DHCR24: variants seen among roughly 807,000 people sequenced by gnomAD.
DHCR24 encodes the protein 24-dehydrocholesterol reductase, also known as delta(24)-sterol reductase.
A neutral mutation model predicts 61.2 loss-of-function variants in DHCR24; 28 were observed. The ratio of observed to expected loss-of-function variants is 0.46; its 90% confidence interval spans 0.34 to 0.63. DHCR24 has a LOEUF of 0.63. DHCR24 is among the 20% of genes least tolerant of loss of function. The pLI is 0.01. For missense variants in DHCR24, 538 were observed against 679.1 expected (o/e 0.79, Z 2.31); for synonymous variants, 261 against 275.9 (o/e 0.95, Z 0.54).
rs570712299 is a variant in DHCR24 at position 54,883,406 on chromosome 1, C to T, written c.387+212G>A. Among the ~76,000 whole-genome samples the T allele has an allele frequency of 3.9e-5, 6 of 152,250 alleles. No homozygotes were observed. Among genetic ancestry groups the T allele is most frequent in the Admixed American group, 1.3e-4 (2 of 15,296 alleles). On this transcript the variant is annotated intron_variant, in intron 2 of 8. Transcript: ENST00000371269. This position sits in a 1 kb window ranked among gnomAD's most constrained non-coding sequence, Gnocchi z 4.3. Reference sequence around the variant, plus strand: ...CCCCATTCCTGACTTCCTGTGGAAACGCAAAGGGTTCCCCTGACCTATTAT... The same window carrying T: ...CCCCATTCCTGACTTCCTGTGGAAATGCAAAGGGTTCCCCTGACCTATTAT...
At chr1:54,858,461 T>A (rs748890947) in intron 6 of DHCR24, among the ~76,000 whole-genome samples, 71 of 152,292 alleles carry the variant, frequency 4.7e-4, no homozygotes, top group Admixed American at 1.1e-3. Flanking sequence ...CAATGACAGA[T>A]CCCTAGAGGT....
chr1:54,875,039 G>T lies in DHCR24; in HGVS notation c.612+54C>A, dbSNP rs1016565036. On this transcript the variant is annotated intron_variant, in intron 4 of 8. Coordinates refer to ENST00000371269, the MANE Select transcript of DHCR24 (RefSeq NM_014762.4). The stretch of plus-strand genomic sequence containing the variant: ...AGAGGAGCCACCTCCCTGACCTCAG[G>T]ATCCTTAATGCCCAGAGCAGGCTGG... 20 of 1,497,564 alleles carry T rather than the reference G, an allele frequency of 1.3e-5. No homozygotes were observed. The Middle Eastern group carries it at 5.1e-4, about 38-fold the overall frequency. 92.8% of individuals were successfully genotyped at this position (1,497,564 alleles called of 1,614,324 possible).
intron 1 of DHCR24, 60 bp downstream of exon 1, chr1:54,886,829 C>T (rs1289675573): frequency 1.3e-6 from 2 of 1,585,236 alleles, no homozygotes; most frequent in African/African-American, 1.3e-5. Flanking sequence ...CCTCGCGTCC[C>T]GCTATCCCCG....
rs1646895092 is a variant in DHCR24 at position 54,854,303 on chromosome 1, G to T, written c.1021-69C>A. On this transcript the variant is annotated intron_variant, in intron 6 of 8. Coordinates refer to ENST00000371269, the MANE Select transcript of DHCR24 (RefSeq NM_014762.4). ...GGTTGAATGTCTCCAAGTGCAAGGG[G>T]CCAGGGGCCAGGTCCCATTCTGTGC... 5 of 1,371,130 alleles carry T rather than the reference G, an allele frequency of 3.6e-6. No individual in the cohort carries two copies. In the South Asian group the frequency reaches 6.5e-5, roughly 18 times the overall value. The allele number at this position is 1,371,130 out of a possible 1,614,324, so 84.9% of individuals were successfully genotyped here.
intron 6 of DHCR24, among the ~76,000 whole-genome samples, chr1:54,856,698 TCCAGATTATTC>T (rs1029307324): frequency 1.3e-5 from 2 of 152,250 alleles, no homozygotes; most frequent in African/African-American, 4.8e-5. Context: ...TTAGATTATT[TCCAGATTATTC>T]CAACTAATAT....
intron 7 of DHCR24, 147 bp from the exon 8 acceptor site, chr1:54,853,759 C>G (rs559513875): frequency 8.0e-6 from 8 of 999,834 alleles, no homozygotes; most frequent in African/African-American, 4.8e-5. Flanking sequence ...CCCCGCCCCC[C>G]AGCCCTGGCT....
intron 5 of DHCR24, among the ~76,000 whole-genome samples, chr1:54,866,316 A>G (rs961005838): frequency 1.2e-4 from 18 of 151,872 alleles, no homozygotes; most frequent in African/African-American, 4.4e-4. Context: ...TAGAAATTAC[A>G]TACATATGCC....
intron 6 of DHCR24, among the ~76,000 whole-genome samples, chr1:54,863,981 C>A (rs1458772608): frequency 6.6e-6 from 1 of 152,150 alleles, no homozygotes; most frequent in Non-Finnish European, 1.5e-5. Context: ...AAGGAAAATG[C>A]AAGTCAATAC....
At chr1:54,853,918 A>T in intron 7 of DHCR24, 119 bp downstream of exon 7, 1 of 1,047,074 alleles carries the variant, frequency 9.6e-7, no homozygotes, top group Non-Finnish European at 1.4e-6. Flanking sequence ...ACCTCATCTT[A>T]AAGTTGGGAA....
Position 54,852,255 on chromosome 1 carries a change from A to AT in DHCR24, c.1528dup (p.Ile510AsnfsTer78). The AT allele has an allele frequency of 6.2e-7, 1 of 1,614,148 alleles. No individual in the cohort carries two copies. Among genetic ancestry groups the AT allele is most frequent in the Non-Finnish European group, 8.5e-7 (1 of 1,180,016 alleles). ...AGCTCAGTGCCTGGCGGCCTTGCAG[A>AT]TCTTGTCGTACACCTCGGGGAAGGC... On this transcript the variant is annotated frameshift_variant, in exon 9 of 9. Coordinates refer to ENST00000371269, the MANE Select transcript of DHCR24 (RefSeq NM_014762.4). LOFTEE classifies it high-confidence loss of function.
chr1:54,855,443 G>GGTTCTATGCTGGGTGCTGGGGAACCAA (rs1646901850), intron 6 of DHCR24, among the ~76,000 whole-genome samples: 1 of 151,772 alleles, frequency 6.6e-6, no homozygotes, highest in Non-Finnish European at 1.5e-5. Context: ...TCAGGAACCA[G>GGTTCTATGCTGGGTGCTGGGGAACCAA]GTTCTATGCT....
intron 5 of DHCR24, among the ~76,000 whole-genome samples, chr1:54,868,862 T>C (rs1038404285): frequency 7.2e-5 from 11 of 152,036 alleles, no homozygotes; most frequent in Non-Finnish European, 1.3e-4. Flanking sequence ...AGCTCAGAAG[T>C]TCAAGACCAA....
intron 5 of DHCR24, among the ~76,000 whole-genome samples, chr1:54,868,751 C>T (rs568680893): frequency 6.6e-6 from 1 of 151,680 alleles, no homozygotes; most frequent in East Asian, 2.0e-4. Flanking sequence ...AATGTAACAA[C>T]AGGGGGAAAT....
rs1646880437 is a variant in DHCR24 at position 54,852,323 on chromosome 1, G to T, written c.1461C>A (p.Gly487=). The T allele has an allele frequency of 6.2e-7, 1 of 1,614,210 alleles. No individual in the cohort carries two copies. Among genetic ancestry groups the T allele is most frequent in the East Asian group, 2.2e-5 (1 of 44,878 alleles). The change falls in exon 9 of 9, where the codon GGC becomes GGA. Residue 487 remains glycine (G), a synonymous_variant. Coordinates refer to ENST00000371269, the MANE Select transcript of DHCR24 (RefSeq NM_014762.4). Reference sequence around the variant, plus strand: ...TCTCTCGCAGCTTGTGGTACAAGGAGCCATCAAACATCTCCCAGAACTCCT... The same window carrying T: ...TCTCTCGCAGCTTGTGGTACAAGGATCCATCAAACATCTCCCAGAACTCCT... ...NREEFWEMFD[G]SLYHKLREKL... is the part of the protein sequence containing the mutation.
chr1:54,855,478 G>T (rs1203441205), intron 6 of DHCR24, among the ~76,000 whole-genome samples: 2 of 152,016 alleles, frequency 1.3e-5, no homozygotes, highest in Non-Finnish European at 2.9e-5. Flanking sequence ...CAAGATAACT[G>T]AGACATGGTC....
intron 6 of DHCR24, among the ~76,000 whole-genome samples, chr1:54,858,853 C>A (rs1298120595): frequency 1.3e-5 from 2 of 152,124 alleles, no homozygotes; most frequent in Non-Finnish European, 2.9e-5. Flanking sequence ...TCAGGCTGGT[C>A]TCAAACTCCT....
chr1:54,860,969 C>G (rs1325200352), intron 6 of DHCR24, among the ~76,000 whole-genome samples: 2 of 146,630 alleles, frequency 1.4e-5, no homozygotes, highest in Non-Finnish European at 3.0e-5. Flanking sequence ...GCCTGGGCGA[C>G]AGAGCGAGAC....
rs183395295 is a variant in DHCR24, at chr1:54,876,738, T to C, written c.388-691A>G. 1.3e-5 allele frequency among the ~76,000 whole-genome samples: 2 copies of C among 151,986 alleles called. 1 individual carries two copies. Among genetic ancestry groups the C allele is most frequent in the East Asian group, 4.0e-4 (2 of 5,018 alleles). On this transcript the variant is annotated intron_variant, in intron 2 of 8. Transcript: ENST00000371269. The stretch of plus-strand genomic sequence containing the variant: ...ACAGTGTATTTACTTTGGTTTTTTT[T>C]TCCCCACACATACTGTATTGGTACT...
At chr1:54,875,882 C>T (rs1432697107) in intron 3 of DHCR24, 60 bp downstream of exon 3, 3 of 1,412,154 alleles carry the variant, frequency 2.1e-6, no homozygotes, top group Non-Finnish European at 2.0e-6. Context: ...TGGCCAAGGC[C>T]CATCAGCTCC....
Sources: gnomAD v4.1 joint callset for allele counts (sites outside exome capture counted in the v4.1 genomes callset) on GRCh38, gnomAD v4.1.1 for gene constraint, Gnocchi (gnomAD v3.1) non-coding constraint, MANE v1.5 for transcripts, NCBI Gene and HGNC (gene_info 2026-07-23, HGNC 2026-07-21) for gene names.